The following IL1RAPL1 variants were observed in gnomAD, a reference collection of about 807,000 sequenced individuals.
IL1RAPL1 encodes the protein interleukin 1 receptor accessory protein like 1, also known as interleukin-1 receptor accessory protein-like 1.
Under a neutral mutation model 48.4 loss-of-function variants are expected in IL1RAPL1, and 3 were observed. The observed-to-expected ratio is 0.06, with a 90% confidence interval of 0.03 to 0.16. IL1RAPL1 has a LOEUF of 0.16. IL1RAPL1 is among the 10% of genes least tolerant of loss of function. IL1RAPL1 has a pLI of 1.00. For missense variants in IL1RAPL1, 349 were observed against 530.6 expected, an observed-to-expected ratio of 0.66 and a Z score of 3.36; for synonymous variants, 185 against 187.7, an observed-to-expected ratio of 0.99 and a Z score of 0.12.
chrX:29,422,637 C>T (rs1934304416), intron 5 of IL1RAPL1, among the ~76,000 whole-genome samples: 2 of 111,552 alleles, frequency 1.8e-5, no homozygotes, highest in South Asian at 7.5e-4. Flanking sequence ...TTTTCTTTTT[C>T]TAAAATGCCA....
intron 1 of IL1RAPL1, among the ~76,000 whole-genome samples, chrX:28,707,029 C>A (rs1935382291): frequency 8.9e-6 from 1 of 112,364 alleles, no homozygotes; most frequent in Admixed American, 9.5e-5. Context: ...AGTTAGCAAA[C>A]AGAACCTGTC....
At chrX:29,317,513 G>A (rs1191005927) in intron 3 of IL1RAPL1, among the ~76,000 whole-genome samples, 1 of 111,675 alleles carries the variant, frequency 9.0e-6, no homozygotes, top group Non-Finnish European at 1.9e-5. Context: ...CATGACAGAA[G>A]GATAAAAATT....
intron 5 of IL1RAPL1, among the ~76,000 whole-genome samples, chrX:29,506,898 T>C (rs1231592107): frequency 9.0e-6 from 1 of 110,870 alleles, no homozygotes; most frequent in African/African-American, 3.3e-5. Flanking sequence ...AAGTCATTGC[T>C]CACCTCAATC....
At chrX:29,110,942 C>T (rs1398170146) in intron 2 of IL1RAPL1, among the ~76,000 whole-genome samples, 2 of 110,828 alleles carry the variant, frequency 1.8e-5, no homozygotes, top group South Asian at 3.8e-4. Flanking sequence ...TAGATAACCA[C>T]TATTAGCATT....
At chrX:29,809,208 C>T (rs150794577) in intron 6 of IL1RAPL1, among the ~76,000 whole-genome samples, 186 of 108,292 alleles carry the variant, frequency 1.7e-3, no homozygotes, top group Middle Eastern at 9.3e-3. Flanking sequence ...AGCGATTCTC[C>T]AGCCTTGCCT....
chrX:29,640,757 G>A (rs755348066), intron 5 of IL1RAPL1, among the ~76,000 whole-genome samples: 2 of 112,368 alleles, frequency 1.8e-5, no homozygotes, highest in Non-Finnish European at 3.8e-5. Flanking sequence ...TCATCTGGAC[G>A]ATTGTAATTG....
chrX:29,243,071 G>T (rs754176055), intron 2 of IL1RAPL1, among the ~76,000 whole-genome samples: 1 of 111,967 alleles, frequency 8.9e-6, no homozygotes, highest in Non-Finnish European at 1.9e-5. Flanking sequence ...TCCCCGGGGG[G>T]TTTATTATCT....
At chrX:29,304,216 A>T (rs770844182) in intron 3 of IL1RAPL1, among the ~76,000 whole-genome samples, 1 of 111,137 alleles carries the variant, frequency 9.0e-6, no homozygotes, top group South Asian at 3.9e-4. Context: ...TCCAGAAGTC[A>T]GATGAGTGTT....
At chrX:29,539,905 C>T (rs1921375748) in intron 5 of IL1RAPL1, among the ~76,000 whole-genome samples, 1 of 111,394 alleles carries the variant, frequency 9.0e-6, no homozygotes, top group African/African-American at 3.3e-5. Context: ...ATACTCACTA[C>T]TCCAATGTAG....
At chrX:29,580,714 G>A (rs1226903575) in intron 5 of IL1RAPL1, among the ~76,000 whole-genome samples, 3 of 111,717 alleles carry the variant, frequency 2.7e-5, no homozygotes, top group African/African-American at 9.8e-5. Context: ...ACATGGTATG[G>A]TCTAGGAAGA....
intron 2 of IL1RAPL1, among the ~76,000 whole-genome samples, chrX:28,828,079 G>A (rs1937011682): frequency 9.0e-6 from 1 of 111,634 alleles, no homozygotes; most frequent in African/African-American, 3.3e-5. Context: ...TACTTTTAGA[G>A]CTACATCCTG....
chrX:29,576,009 T>C (rs758715569), intron 5 of IL1RAPL1, among the ~76,000 whole-genome samples: 11 of 112,341 alleles, frequency 9.8e-5, no homozygotes, highest in Non-Finnish European at 7.5e-5. Flanking sequence ...TAATTAAATC[T>C]ACAGTGACCC....
intron 6 of IL1RAPL1, among the ~76,000 whole-genome samples, chrX:29,741,922 CAAAAAAAAAAAAGAAAAAAAAAAAAA>C (rs1928213081): frequency 3.9e-5 from 1 of 25,735 alleles, no homozygotes; most frequent in South Asian, 2.5e-3. Flanking sequence ...GAGACTCCGT[CAAAAAAAAAAAAGAAAAAAAAAAAAA>C]AAAAAAAGAA....
chrX:28,900,796 G>C (rs1923054644), intron 2 of IL1RAPL1, among the ~76,000 whole-genome samples: 1 of 111,406 alleles, frequency 9.0e-6, no homozygotes, highest in Non-Finnish European at 1.9e-5. Flanking sequence ...TAAACAACCA[G>C]CTTTACCTTA....
intron 5 of IL1RAPL1, among the ~76,000 whole-genome samples, chrX:29,458,535 G>A (rs1270679337): frequency 8.9e-6 from 1 of 111,853 alleles, no homozygotes; most frequent in Non-Finnish European, 1.9e-5. Flanking sequence ...GAAGTAAACA[G>A]TAGTTGGTGA....
At chrX:29,493,153 G>A (rs1390209892) in intron 5 of IL1RAPL1, among the ~76,000 whole-genome samples, 1 of 111,695 alleles carries the variant, frequency 9.0e-6, no homozygotes, top group Non-Finnish European at 1.9e-5. Context: ...TGTTTATTCA[G>A]GACAATGAGC....
intron 3 of IL1RAPL1, among the ~76,000 whole-genome samples, chrX:29,385,368 C>T (rs1346522097): frequency 1.8e-5 from 2 of 112,219 alleles, no homozygotes; most frequent in African/African-American, 6.5e-5. Flanking sequence ...GCAGGAGAAT[C>T]GCTTGAACCT....
intron 5 of IL1RAPL1, among the ~76,000 whole-genome samples, chrX:29,614,963 C>T (rs867377887): frequency 1.5e-5 from 1 of 67,298 alleles, no homozygotes; most frequent in Non-Finnish European, 3.0e-5. Flanking sequence ...GACTCCGTCT[C>T]AAAAAAAAAA....
chrX:29,111,455 A>G (rs1928563839), intron 2 of IL1RAPL1, among the ~76,000 whole-genome samples: 1 of 111,849 alleles, frequency 8.9e-6, no homozygotes, highest in African/African-American at 3.3e-5. Flanking sequence ...GCTATTTAGT[A>G]TTGTATGATA....
Sources: allele counts gnomAD v4.1 joint callset (sites outside exome capture counted in the v4.1 genomes callset), GRCh38; gene constraint gnomAD v4.1.1; transcripts MANE v1.5; gene names NCBI Gene and HGNC (gene_info 2026-07-23, HGNC 2026-07-21).